Variants in BCL2L14 observed in about 807,000 individuals in gnomAD.
BCL2L14 encodes apoptosis facilitator Bcl-2-like protein 14.
A neutral mutation model predicts 35.3 loss-of-function variants in BCL2L14; 27 were observed. The ratio of observed to expected loss-of-function variants is 0.76; its 90% CI spans 0.56 to 1.05. The LOEUF is 1.05. BCL2L14 is among the 50% of genes least tolerant of loss of function. BCL2L14 has a pLI of 0.00. For synonymous variants in BCL2L14, 139 were observed against 145.9 expected, an observed-to-expected ratio of 0.95 and a Z score of 0.34; for missense variants, 377 against 382.6, an observed-to-expected ratio of 0.99 and a Z score of 0.12.
rs1390272884 is a variant in BCL2L14 at position 12,060,967 on chromosome 12, C to T, written c.-272+9120C>T. 1.8e-4 allele frequency among the ~76,000 whole-genome samples: 13 copies of T among 70,986 alleles called. No homozygotes were observed. The East Asian group carries it at 6.6e-3, about 36-fold the overall frequency. 46.6% of individuals were successfully genotyped at this position (70,986 alleles called of 152,430 possible). A position where few individuals can be genotyped will look rare whatever the true frequency, so the allele number is the denominator to read the frequency against. ...GTCCCCTTCTTAATCAATACGGAGG[C>T]TACCCACTCCACATTACCTTCTTTT... is the stretch of plus-strand genomic sequence containing the variant. On this transcript the variant is annotated intron_variant, in intron 2 of 3. Transcript: ENST00000461264.
chr12:12,080,007 A>C (rs931430199), intron 2 of BCL2L14, among the ~76,000 whole-genome samples: 1 of 152,116 alleles, frequency 6.6e-6, no homozygotes, highest in Non-Finnish European at 1.5e-5. Context: ...GATTGAGACC[A>C]TCCTGGCTAA....
chr12:12,054,510 A>T (rs1288319323), intron 2 of BCL2L14: 1 of 22,240 alleles, frequency 4.5e-5, no homozygotes, highest in African/African-American at 1.2e-4. Flanking sequence ...TCTCGAAAAA[A>T]AAAAAAAATA....
chr12:12,066,946 G>A (rs1490806743), upstream of BCL2L14, among the ~76,000 whole-genome samples: 1 of 152,038 alleles, frequency 6.6e-6, no homozygotes, highest in Non-Finnish European at 1.5e-5. Context: ...TCCTGACCTC[G>A]TGATCTACCT....
chr12:12,091,404 G>A (rs1949185734), intron 4 of BCL2L14, among the ~76,000 whole-genome samples: 3 of 152,206 alleles, frequency 2.0e-5, no homozygotes, highest in Admixed American at 6.5e-5. Flanking sequence ...ATCAGGAACG[G>A]GTGAGAGTTG....
At chr12:12,093,631 AAAAAT>A (rs1949245182) in intron 4 of BCL2L14, among the ~76,000 whole-genome samples, 1 of 151,982 alleles carries the variant, frequency 6.6e-6, no homozygotes, top group Non-Finnish European at 1.5e-5. Context: ...TGTCTCTACT[AAAAAT>A]ACAAAAATTA....
chr12:12,057,084 C>A (rs1054085425), intron 2 of BCL2L14, among the ~76,000 whole-genome samples: 1 of 152,250 alleles, frequency 6.6e-6, no homozygotes, highest in Middle Eastern at 3.4e-3. Flanking sequence ...AAAACCAGCT[C>A]AAAGGAGAAA....
At chr12:12,063,157 A>G (rs3983816) in intron 2 of BCL2L14, among the ~76,000 whole-genome samples, 121,269 of 147,406 alleles carry the variant, frequency 0.82, 50,034 homozygotes, top group East Asian at 0.92. Flanking sequence ...CCTATTCACC[A>G]TTCTCAACTA....
chr12:12,075,429 CTTTCT>C (rs1565460229), intron 1 of BCL2L14, among the ~76,000 whole-genome samples: 2 of 121,714 alleles, frequency 1.6e-5, no homozygotes, highest in Non-Finnish European at 1.7e-5. Flanking sequence ...TTCTTTCTTT[CTTTCT>C]TTTTTTTTTG....
intron 2 of BCL2L14, among the ~76,000 whole-genome samples, chr12:12,062,098 T>G (rs865808613): frequency 7.2e-5 from 11 of 152,166 alleles, no homozygotes; most frequent in Middle Eastern, 6.8e-3. Flanking sequence ...CAACTTACTC[T>G]CTACATTTCT....
At chr12:12,081,919 T>C (rs1016864754) in intron 2 of BCL2L14, among the ~76,000 whole-genome samples, 2 of 152,154 alleles carry the variant, frequency 1.3e-5, no homozygotes, top group African/African-American at 4.8e-5. Flanking sequence ...GGGTAACTTG[T>C]CAATAATTAG....
chr12:12,050,803 A>AAAAAG (rs574042757), intron 1 of BCL2L14, among the ~76,000 whole-genome samples: 58 of 122,274 alleles, frequency 4.7e-4, no homozygotes, highest in Admixed American at 8.7e-4. Context: ...TAAAAAAAAA[A>AAAAAG]AAAAAAAAAA....
upstream of BCL2L14, among the ~76,000 whole-genome samples, chr12:12,066,003 C>G (rs1948589539): frequency 6.6e-6 from 1 of 152,080 alleles, no homozygotes; most frequent in Non-Finnish European, 1.5e-5. Context: ...GATGACCAGG[C>G]TGGTCTTGAA....
Position 12,094,377 on chromosome 12 carries a change from A to G in BCL2L14, c.679-287A>G, listed in dbSNP as rs973522821. 2.0e-5 allele frequency: 16 copies of G among 793,616 alleles called. No individual in the cohort carries two copies. The African/African-American group carries it at 2.4e-4, about 12-fold the overall frequency. 49.2% of individuals were successfully genotyped at this position (793,616 alleles called of 1,614,324 possible). A position where few individuals can be genotyped will look rare whatever the true frequency, so the allele number is the denominator to read the frequency against. ...GTGAGGACCCGCATCTCAGTCATCC[A>G]TACTACCTGCCCATTATAAGTGCTC... On this transcript the variant is annotated intron_variant, in intron 4 of 5. Coordinates refer to ENST00000308721, the MANE Select transcript of BCL2L14 (RefSeq NM_138723.2).
rs150671379 is a variant in BCL2L14, at chr12:12,050,264, G to C, written c.-324+310G>C. ...GCCCTGGCATGCAAAGGCTGGACAGGAGTCTTGAAAGAGCCTCAATTAGCT... is the reference window on the plus strand; with the variant it reads ...GCCCTGGCATGCAAAGGCTGGACAGCAGTCTTGAAAGAGCCTCAATTAGCT... On this transcript the variant is annotated intron_variant, in intron 1 of 3. Transcript: ENST00000461264. Among the ~76,000 whole-genome samples, 857 of 152,058 alleles carry C rather than the reference G, an allele frequency of 5.6e-3. 11 individuals carry two copies. Among genetic ancestry groups the C allele is most frequent in the African/African-American group, 0.02 (814 of 41,494 alleles).
intron 2 of BCL2L14, among the ~76,000 whole-genome samples, chr12:12,060,912 T>C (rs1344337220): frequency 0.83 from 35,618 of 42,754 alleles, 16,274 homozygotes; most frequent in East Asian, 0.99. Context: ...TGCCGAGCTT[T>C]AGGTAACTCT....
intron 1 of BCL2L14, among the ~76,000 whole-genome samples, chr12:12,050,745 T>C (rs1948340396): frequency 7.1e-6 from 1 of 141,592 alleles, no homozygotes; most frequent in African/African-American, 2.7e-5. Flanking sequence ...GGAAGAAGAA[T>C]TGTCTTGGGC....
chr12:12,059,078 C>A (rs1019935293), intron 2 of BCL2L14, among the ~76,000 whole-genome samples: 2 of 152,184 alleles, frequency 1.3e-5, no homozygotes, highest in Non-Finnish European at 2.9e-5. Flanking sequence ...CACGTTTTAT[C>A]CGTAGACCCA....
chr12:12,057,795 G>C (rs931178209), intron 2 of BCL2L14, among the ~76,000 whole-genome samples: 1 of 149,094 alleles, frequency 6.7e-6, no homozygotes, highest in African/African-American at 2.5e-5. Context: ...CAACAAACTG[G>C]GCTGCATCTG....
At chr12:12,078,659 C>T (rs1346634364) in intron 1 of BCL2L14, among the ~76,000 whole-genome samples, 1 of 152,172 alleles carries the variant, frequency 6.6e-6, no homozygotes, top group Admixed American at 6.5e-5. Flanking sequence ...CCAATATCCA[C>T]CCACCTGTCT....
Sources: allele counts gnomAD v4.1 joint callset (sites outside exome capture counted in the v4.1 genomes callset), GRCh38; gene constraint gnomAD v4.1.1; transcripts MANE v1.5; gene names NCBI Gene and HGNC (gene_info 2026-07-23, HGNC 2026-07-21).